The following RFX6 variants were observed in gnomAD, a reference collection of about 807,000 sequenced individuals.
The protein encoded by RFX6 is regulatory factor X6, also known as DNA-binding protein RFX6.
In RFX6, 50 loss-of-function variants were observed where a neutral mutation model predicts 110.8. That is an observed-to-expected ratio of 0.45 (90% CI 0.36 to 0.57). The LOEUF (loss-of-function observed/expected upper bound fraction) is 0.57. Among genes scored for constraint, RFX6 ranks in the 20% least tolerant of loss-of-function variants. The pLI, the probability that RFX6 is intolerant of heterozygous loss-of-function variation, is 0.00. For missense variants in RFX6, 990 were observed against 1,127.0 expected (o/e 0.88, Z 1.74); for synonymous variants, 383 against 411.2 (o/e 0.93, Z 0.83).
chr6:116,894,117 T>C (rs1260842884), intron 5 of RFX6, 53 bp downstream of exon 5: 2 of 911,700 alleles, frequency 2.2e-6, no homozygotes, highest in African/African-American at 3.3e-5. Flanking sequence ...TAAATATGCA[T>C]GATACCTATT....
At chr6:116,930,933 C>T (rs1468189048) in intron 18 of RFX6, among the ~76,000 whole-genome samples, 1 of 151,970 alleles carries the variant, frequency 6.6e-6, no homozygotes, top group African/African-American at 2.4e-5. Flanking sequence ...TCTGGTTGCT[C>T]TCGGGAAGGT....
At chr6:116,915,211 G>A (rs1775436990) in intron 7 of RFX6, among the ~76,000 whole-genome samples, 1 of 152,140 alleles carries the variant, frequency 6.6e-6, no homozygotes, top group Non-Finnish European at 1.5e-5. Flanking sequence ...TTTAAACTAT[G>A]CTATGCAAAT....
At position 116,924,710 on chromosome 6, in the gene RFX6, C is replaced by T. The variant is rs1352888505; in HGVS notation, c.1597C>T (p.Leu533Phe). ...LIRMLLDEYI[L>F]LAMETQFNND... ...TCGAATGCTTCTCGATGAATACATT[C>T]TCCTGGCCATGGAGACCCAGTTTAA... The change falls in exon 15 of 19, where the codon CTC (leucine) becomes TTC (phenylalanine). Residue 533 changes from leucine to phenylalanine, a missense_variant. Physicochemically the swap from Leu to Phe is conservative, Grantham distance 22. This residue lies in a region of RFX6 where 89 missense variants were observed against 140.3 expected (regional missense o/e 0.63). Coordinates refer to ENST00000332958, the MANE Select transcript of RFX6 (RefSeq NM_173560.4). 6 of 1,606,800 alleles carry T rather than the reference C, an allele frequency of 3.7e-6. No homozygotes were observed. In the Admixed American group the frequency reaches 1.0e-4, roughly 27 times the overall value.
intron 13 of RFX6, 77 bp downstream of exon 13, chr6:116,922,228 G>C (rs979818569): frequency 2.5e-6 from 2 of 791,992 alleles, no homozygotes. Flanking sequence ...TTTTTTGTCT[G>C]GGGGGAGAGG....
In RFX6 at chr6:116,924,778, T is replaced by C. The variant is rs139480813; in HGVS notation, c.1665T>C (p.Tyr555=). The change falls in exon 15 of 19, where the codon TAT becomes TAC. Residue 555 remains tyrosine, a synonymous_variant. Transcript: ENST00000332958. ...AGTTACAGAATTTATTGGACAAGTA[T>C]ATGAAGAATTCAGGTAACTTAAAAT... ...EQELQNLLDK[Y]MKNSDASKAA... 35 of 1,585,212 alleles carry C rather than the reference T, an allele frequency of 2.2e-5. No homozygotes were observed. The highest frequency in any genetic ancestry group is 1.7e-5 in the Non-Finnish European group (20 of 1,153,894).
At chr6:116,921,718 G>GA (rs1775599585) in intron 12 of RFX6, among the ~76,000 whole-genome samples, 1 of 151,314 alleles carries the variant, frequency 6.6e-6, no homozygotes, top group Non-Finnish European at 1.5e-5. Flanking sequence ...AACTGCTTGG[G>GA]AGGCTGAGGC....
chr6:116,899,248 T>C (rs574801220), intron 6 of RFX6, among the ~76,000 whole-genome samples: 183 of 152,274 alleles, frequency 1.2e-3, no homozygotes, highest in African/African-American at 4.3e-3. Context: ...ATGCTAGATA[T>C]TATAAATATT....
chr6:116,890,951 A>T (rs940589481), intron 4 of RFX6, among the ~76,000 whole-genome samples: 8 of 152,220 alleles, frequency 5.3e-5, no homozygotes, highest in African/African-American at 1.9e-4. Context: ...GCATAATAAA[A>T]CATTCTATCC....
intron 6 of RFX6, among the ~76,000 whole-genome samples, chr6:116,910,454 G>A (rs1775326236): frequency 6.6e-6 from 1 of 152,116 alleles, no homozygotes; most frequent in Non-Finnish European, 1.5e-5. Context: ...AGAATCAGAA[G>A]TTAGACTCCA....
At position 116,912,448 on chromosome 6, in the gene RFX6, T is replaced by G. The variant is rs141010079; in HGVS notation, c.780+1406T>G. Among the ~76,000 whole-genome samples, 47 of 152,328 alleles carry G rather than the reference T, an allele frequency of 3.1e-4. 1 individual carries two copies. The highest frequency in any genetic ancestry group is 1.1e-3 in the African/African-American group (45 of 41,578). On this transcript the variant is annotated intron_variant, in intron 7 of 18. Transcript: ENST00000332958. ...CTCTCAAACTATGTTCACTTCTGACTGTTCTCTCCCATTACATTTCTCAAG... is the reference window on the plus strand; with the variant it reads ...CTCTCAAACTATGTTCACTTCTGACGGTTCTCTCCCATTACATTTCTCAAG...
At chr6:116,923,575 C>T (rs1775648527) in intron 14 of RFX6, 1 of 238,918 alleles carries the variant, frequency 4.2e-6, no homozygotes. Flanking sequence ...TCATTACATT[C>T]CATCAGTGCT....
chr6:116,910,709 G>A (rs1398145849), intron 6 of RFX6, among the ~76,000 whole-genome samples: 1 of 152,074 alleles, frequency 6.6e-6, no homozygotes, highest in East Asian at 1.9e-4. Context: ...GAAGTGATAG[G>A]AAAAATATTC....
intron 3 of RFX6, 112 bp from the exon 4 acceptor site, chr6:116,882,255 C>A: frequency 1.3e-6 from 1 of 766,734 alleles, no homozygotes; most frequent in Non-Finnish European, 2.4e-6. Context: ...TAAGTATTCA[C>A]TCACAGTTCA....
At chr6:116,912,230 A>T (rs1775367117) in intron 7 of RFX6, among the ~76,000 whole-genome samples, 1 of 152,146 alleles carries the variant, frequency 6.6e-6, no homozygotes, top group South Asian at 2.1e-4. Context: ...ACTATTGGGT[A>T]CTACGCTCAG....
intron 4 of RFX6, among the ~76,000 whole-genome samples, chr6:116,890,024 C>T (rs977420154): frequency 7.6e-6 from 1 of 131,410 alleles, no homozygotes. Flanking sequence ...GCTTACATTA[C>T]TCCTGCCAAA....
intron 16 of RFX6, among the ~76,000 whole-genome samples, chr6:116,926,003 CTT>C (rs1415536932): frequency 1.5e-4 from 23 of 152,152 alleles, no homozygotes; most frequent in African/African-American, 5.3e-4. Context: ...TTTGAGGAGA[CTT>C]TATTTCTCCT....
At chr6:116,926,552 C>T (rs675266) in intron 16 of RFX6, among the ~76,000 whole-genome samples, 36,961 of 152,124 alleles carry the variant, frequency 0.24, 4,866 homozygotes, top group South Asian at 0.42. Context: ...CAATGGAACA[C>T]TGGCGGCCCA....
At position 116,920,292 on chromosome 6, in the gene RFX6, T is replaced by G. The variant is rs1775564576; in HGVS notation, c.1183-18T>G. ...AGAAATGATATAGTGTAGTGTCTTC[T>G]TTACTTTCTCTATGCAGATTGCCAG... is the stretch of plus-strand genomic sequence containing the variant. On this transcript the variant is annotated intron_variant, in intron 11 of 18. Coordinates refer to ENST00000332958, the MANE Select transcript of RFX6 (RefSeq NM_173560.4). 6.2e-7 allele frequency: 1 copy of G among 1,602,076 alleles called. No individual in the cohort carries two copies. The highest frequency in any genetic ancestry group is 1.7e-5 in the Admixed American group (1 of 59,970).
At chr6:116,889,107 T>G (rs1218003777) in intron 4 of RFX6, among the ~76,000 whole-genome samples, 2 of 152,264 alleles carry the variant, frequency 1.3e-5, no homozygotes, top group East Asian at 3.9e-4. Flanking sequence ...GAGGTTTGTA[T>G]TGCTAGCAAC....
Sources: gnomAD v4.1 joint callset for allele counts (sites outside exome capture counted in the v4.1 genomes callset) on GRCh38, gnomAD v4.1.1 for gene constraint, gnomAD v4.1.1 regional missense constraint, MANE v1.5 for transcripts, NCBI Gene and HGNC (gene_info 2026-07-23, HGNC 2026-07-21) for gene names.